NUDT5: variants seen among roughly 807,000 people sequenced by gnomAD.
The protein encoded by NUDT5 is nudix hydrolase 5.
NUDT5 carries 21 observed loss-of-function variants against 34.1 expected under a neutral mutation model. The observed-to-expected ratio is 0.62, with a 90% CI of 0.44 to 0.89. The LOEUF (loss-of-function observed/expected upper bound fraction) is 0.89, where lower values mean the gene tolerates loss of function less well. Among genes scored for constraint, NUDT5 ranks in the 40% least tolerant of loss-of-function variants. NUDT5 has a pLI of 0.00. For missense variants in NUDT5, 249 were observed against 274.8 expected (o/e 0.91, Z 0.66); for synonymous variants, 85 against 97.6 (o/e 0.87, Z 0.76).
chr10:12,180,894 G>A (rs776260387), intron 3 of NUDT5, among the ~76,000 whole-genome samples: 14 of 152,176 alleles, frequency 9.2e-5, no homozygotes, highest in Admixed American at 3.9e-4. Context: ...CACAAGAGGC[G>A]GGAGGGTCAG....
chr10:12,193,621 T>A (rs1370009835), intron 1 of NUDT5, among the ~76,000 whole-genome samples: 3 of 152,232 alleles, frequency 2.0e-5, no homozygotes, highest in Non-Finnish European at 4.4e-5. Flanking sequence ...TTCAAAGTAT[T>A]TGAGCATCTC....
rs139754628 is a variant in NUDT5 at position 12,173,263 on chromosome 10, A to C, written c.386-397T>G. Among the ~76,000 whole-genome samples, 1 of 152,314 alleles carries C rather than the reference A, an allele frequency of 6.6e-6. No individual in the cohort carries two copies. The highest frequency in any genetic ancestry group is 2.4e-5 in the African/African-American group (1 of 41,576). On this transcript the variant is annotated intron_variant, in intron 6 of 9. Coordinates refer to ENST00000491614, the MANE Select transcript of NUDT5 (RefSeq NM_014142.4). The surrounding 1 kb of genome is among the most constrained non-coding windows in gnomAD (Gnocchi z 4.7). ...ACTTTGCTCTTATTGCCCAGGATGG[A>C]GTGCACTGGCGTGATCTTGGCTCAC... is the stretch of plus-strand genomic sequence containing the variant.
chr10:12,177,097 G>A (rs1441360320), intron 5 of NUDT5, among the ~76,000 whole-genome samples: 6 of 151,290 alleles, frequency 4.0e-5, no homozygotes, highest in African/African-American at 7.3e-5. Context: ...ACTCCAGCCT[G>A]GGTGACAGAA....
In NUDT5 at chr10:12,182,956, C is replaced by T. The variant is rs1172896436; in HGVS notation, c.131+1933G>A. Among the ~76,000 whole-genome samples the T allele has an allele frequency of 1.3e-5, 2 of 152,108 alleles. No homozygotes were observed. The highest frequency in any genetic ancestry group is 2.4e-5 in the African/African-American group (1 of 41,424). ...TTCACAATGTTGGCCAGGCTGGTCT[C>T]GAACTCTTGACCTCAAGTGATCCAC... On this transcript the variant is annotated intron_variant, in intron 3 of 9. Transcript: ENST00000491614. The surrounding 1 kb of genome is among the most constrained non-coding windows in gnomAD (Gnocchi z 4.3).
In NUDT5 at chr10:12,169,808, G is replaced by A; in HGVS notation, c.550+909C>T. ...TTATTCACTGAAACCGTAAGCTGCT[G>A]AAACTCAGGGAAAAGCTTAAGAAAC... On this transcript the variant is annotated intron_variant, in intron 9 of 9. Coordinates refer to ENST00000491614, the MANE Select transcript of NUDT5 (RefSeq NM_014142.4). The surrounding 1 kb of genome is among the most constrained non-coding windows in gnomAD (Gnocchi z 4.8). 1 of 297,702 alleles carries A rather than the reference G, an allele frequency of 3.4e-6. No homozygotes were observed. The allele number at this position is 297,702 out of a possible 1,614,324, so 18.4% of individuals were successfully genotyped here.
At chr10:12,177,247 CAA>C (rs1834965143) in intron 5 of NUDT5, among the ~76,000 whole-genome samples, 2 of 151,970 alleles carry the variant, frequency 1.3e-5, no homozygotes, top group Non-Finnish European at 2.9e-5. Context: ...CGGCAGGGTG[CAA>C]GGGCTCACGC....
At chr10:12,190,705 T>A (rs895952863) in intron 1 of NUDT5, among the ~76,000 whole-genome samples, 1 of 149,818 alleles carries the variant, frequency 6.7e-6, no homozygotes, top group Non-Finnish European at 1.5e-5. Flanking sequence ...ACCTCCCAGG[T>A]TGAAGCAATT....
rs564500066 is a variant in NUDT5 at position 12,181,762 on chromosome 10, T to G, written c.132-2630A>C. 6.6e-6 allele frequency among the ~76,000 whole-genome samples: 1 copy of G among 152,044 alleles called. No individual in the cohort carries two copies. The highest frequency in any genetic ancestry group is 1.5e-5 in the Non-Finnish European group (1 of 68,012). ...GGGAGGCCAAGGTAGGAGGACTGCT[T>G]GAGTTCAGGGGTTCGAGACCAGCCT... On this transcript the variant is annotated intron_variant, in intron 3 of 9. Coordinates refer to ENST00000491614, the MANE Select transcript of NUDT5 (RefSeq NM_014142.4). The surrounding 1 kb of genome is among the most constrained non-coding windows in gnomAD (Gnocchi z 5.0).
intron 3 of NUDT5, among the ~76,000 whole-genome samples, chr10:12,179,617 T>C (rs567609488): frequency 6.6e-6 from 1 of 151,654 alleles, no homozygotes; most frequent in Non-Finnish European, 1.5e-5. Flanking sequence ...TTTAAGAAGG[T>C]AGAACCTTCC....
chr10:12,179,833 T>C (rs538742888), intron 3 of NUDT5, among the ~76,000 whole-genome samples: 1 of 152,288 alleles, frequency 6.6e-6, no homozygotes, highest in Admixed American at 6.5e-5. Flanking sequence ...CCTTGGAACA[T>C]GGGGCACAGT....
intron 1 of NUDT5, among the ~76,000 whole-genome samples, chr10:12,194,535 A>C (rs1406841679): frequency 6.6e-6 from 1 of 152,178 alleles, no homozygotes; most frequent in Admixed American, 6.5e-5. Flanking sequence ...CAACATTATA[A>C]TCTATTTACC....
At chr10:12,184,584 T>C in intron 3 of NUDT5, 1 of 1,448,078 alleles carries the variant, frequency 6.9e-7, no homozygotes, top group Admixed American at 2.1e-5. Flanking sequence ...ACATGTACTG[T>C]TAATTATTCT....
chr10:12,186,218 A>AAAAAGGG lies in NUDT5; in HGVS notation c.63+10_63+11insCCCTTTT. On this transcript the variant is annotated intron_variant, in intron 2 of 9. Coordinates refer to ENST00000491614, the MANE Select transcript of NUDT5 (RefSeq NM_014142.4). ...TGGGGGAGGGAAGGGAAAGTGAAAAACAAGTTATACCTCCTCTGAAATGAT... is the reference window on the plus strand; with the variant it reads ...TGGGGGAGGGAAGGGAAAGTGAAAAAAAAAGGGCAAGTTATACCTCCTCTGAAATGAT... The AAAAAGGG allele has an allele frequency of 6.2e-7, 1 of 1,604,322 alleles. No individual in the cohort carries two copies. Among genetic ancestry groups the AAAAAGGG allele is most frequent in the Non-Finnish European group, 8.5e-7 (1 of 1,171,222 alleles).
At chr10:12,184,791 T>G (rs144464048) in intron 3 of NUDT5, 98 bp downstream of exon 3, 2 of 742,820 alleles carry the variant, frequency 2.7e-6, no homozygotes, top group Admixed American at 2.9e-5. Context: ...TAAAACAGAG[T>G]TTACAAAAAA....
chr10:12,192,944 G>T (rs1015243224), intron 1 of NUDT5, among the ~76,000 whole-genome samples: 3 of 151,250 alleles, frequency 2.0e-5, no homozygotes, highest in South Asian at 2.1e-4. Context: ...TCACTTATGG[G>T]TTTTTTTTTC....
At chr10:12,185,046 TCCCC>T in intron 2 of NUDT5, 90 bp from the exon 3 acceptor site, 1 of 704,380 alleles carries the variant, frequency 1.4e-6, no homozygotes, top group Non-Finnish European at 2.5e-6. Context: ...CCTCTGTCTT[TCCCC>T]AGACTCCCAA....
At position 12,184,904 on chromosome 10, in the gene NUDT5, G is replaced by A; in HGVS notation, c.116C>T (p.Pro39Leu). Residue 39 changes from proline (P) to leucine (L), a missense_variant, in exon 3 of 10, where the codon CCT (proline) becomes CTT (leucine). Coordinates refer to ENST00000491614, the MANE Select transcript of NUDT5 (RefSeq NM_014142.4). ...AAAAGTTTACCTAGTTTTACCAGTA[G>A]GATCCATGTACGTTGTTTTTTCAAG... is the stretch of plus-strand genomic sequence containing the variant. ...VKLEKTTYMD[P>L]TGKTRTWESV... 1.3e-6 allele frequency: 2 copies of A among 1,581,524 alleles called. No individual in the cohort carries two copies. The highest frequency in any genetic ancestry group is 1.7e-6 in the Non-Finnish European group (2 of 1,158,452).
chr10:12,169,155 T>C lies in NUDT5; in HGVS notation c.551-1344A>G. 1 of 667,134 alleles carries C rather than the reference T, an allele frequency of 1.5e-6. No homozygotes were observed. 41.3% of individuals were successfully genotyped at this position (667,134 alleles called of 1,614,324 possible). A position where few individuals can be genotyped will look rare whatever the true frequency, so the allele number is the denominator to read the frequency against. On this transcript the variant is annotated intron_variant, in intron 9 of 9. Transcript: ENST00000491614. The surrounding 1 kb of genome is among the most constrained non-coding windows in gnomAD (Gnocchi z 4.8). ...TTTGATTACTGTATTTTGATTCTGC[T>C]AAAGCTAGGCAACTTGGTTCTTTTA...
intron 1 of NUDT5, among the ~76,000 whole-genome samples, chr10:12,193,191 T>C (rs1282941261): frequency 6.6e-6 from 1 of 151,904 alleles, no homozygotes; most frequent in Non-Finnish European, 1.5e-5. Context: ...TGGAGTAGAG[T>C]GGTAGCCGTG....
Sources: gnomAD v4.1 joint callset for allele counts (sites outside exome capture counted in the v4.1 genomes callset) on GRCh38, gnomAD v4.1.1 for gene constraint, Gnocchi (gnomAD v3.1) non-coding constraint, MANE v1.5 for transcripts, NCBI Gene and HGNC (gene_info 2026-07-23, HGNC 2026-07-21) for gene names.